The following KNTC1 variants were observed in gnomAD, a reference collection of about 807,000 sequenced individuals.
KNTC1 encodes the protein kinetochore-associated protein 1.
Under a neutral mutation model 314.4 loss-of-function variants are expected in KNTC1, and 253 were observed. The ratio of observed to expected loss-of-function variants is 0.80; its 90% CI spans 0.73 to 0.89. The LOEUF (loss-of-function observed/expected upper bound fraction) is 0.89, where lower values mean the gene tolerates loss of function less well. Ranked by LOEUF, KNTC1 falls within the 40% of genes least tolerant of loss-of-function variation. KNTC1 has a pLI of 0.00. For synonymous variants in KNTC1, 901 were observed against 901.4 expected (o/e 1.00, Z 0.01); for missense variants, 2,475 against 2,572.9 (o/e 0.96, Z 0.82).
intron 53 of KNTC1, 132 bp downstream of exon 53, chr12:122,611,032 T>G: frequency 1.5e-6 from 1 of 678,162 alleles, no homozygotes; most frequent in Non-Finnish European, 2.6e-6. Flanking sequence ...ATTCAAAGTC[T>G]GTCTCATCTC....
At chr12:122,622,831 C>T (rs1874585698) in intron 62 of KNTC1, among the ~76,000 whole-genome samples, 1 of 151,822 alleles carries the variant, frequency 6.6e-6, no homozygotes, top group African/African-American at 2.4e-5. Flanking sequence ...ACCTGTAATC[C>T]CAGCTACTAG....
intron 30 of KNTC1, 106 bp downstream of exon 30, chr12:122,577,135 T>C (rs1965085016): frequency 3.7e-6 from 3 of 803,798 alleles, no homozygotes; most frequent in Admixed American, 3.8e-5. Flanking sequence ...TGGAGTGCAG[T>C]GGCTGTGTTT....
chr12:122,559,901 G>C (rs1373784317), intron 18 of KNTC1, among the ~76,000 whole-genome samples: 1 of 152,054 alleles, frequency 6.6e-6, no homozygotes. Context: ...AAATTTAATG[G>C]TATTAAATAC....
chr12:122,613,394 T>G lies in KNTC1; in HGVS notation c.5741+164T>G, dbSNP rs557914972. On this transcript the variant is annotated intron_variant, in intron 54 of 63. Coordinates refer to ENST00000333479, the MANE Select transcript of KNTC1 (RefSeq NM_014708.6). ...CATTTTGGCAAAGGGAAAATAGGGC[T>G]TTGAGAACATCTTGTTTCCATCGTT... 4.6e-6 allele frequency: 3 copies of G among 656,798 alleles called. No individual in the cohort carries two copies. In the Admixed American group the frequency reaches 9.5e-5, roughly 21 times the overall value. 40.7% of individuals were successfully genotyped at this position (656,798 alleles called of 1,614,324 possible). A position where few individuals can be genotyped will look rare whatever the true frequency, so the allele number is the denominator to read the frequency against.
intron 40 of KNTC1, 70 bp from the exon 41 acceptor site, chr12:122,590,537 C>T: frequency 5.8e-6 from 8 of 1,381,264 alleles, no homozygotes; most frequent in East Asian, 2.5e-5. Flanking sequence ...GTATTTCTGC[C>T]CTTTGTGAAC....
chr12:122,531,013 G>T (rs1961267614), intron 2 of KNTC1, among the ~76,000 whole-genome samples: 1 of 151,336 alleles, frequency 6.6e-6, no homozygotes, highest in Non-Finnish European at 1.5e-5. Context: ...GCATGCACAT[G>T]TAGTCCCAGC....
At chr12:122,611,005 T>C in intron 53 of KNTC1, 105 bp downstream of exon 53, 1 of 791,066 alleles carries the variant, frequency 1.3e-6, no homozygotes, top group Non-Finnish European at 2.2e-6. Flanking sequence ...ATTCAGATAA[T>C]GCTCACGTAC....
At chr12:122,620,996 T>C (rs1434524246) in intron 60 of KNTC1, among the ~76,000 whole-genome samples, 1 of 152,230 alleles carries the variant, frequency 6.6e-6, no homozygotes, top group Non-Finnish European at 1.5e-5. Flanking sequence ...CCACTTGATC[T>C]CTTCATAGCA....
intron 13 of KNTC1, 43 bp from the exon 14 acceptor site, chr12:122,551,276 G>A (rs1353985540): frequency 8.0e-7 from 1 of 1,242,280 alleles, no homozygotes. Flanking sequence ...AAAATGCATT[G>A]CTCTTATATT....
chr12:122,585,094 G>A, intron 36 of KNTC1, 104 bp downstream of exon 36: 2 of 678,190 alleles, frequency 2.9e-6, no homozygotes, highest in Non-Finnish European at 5.2e-6. Flanking sequence ...CTGGAGTGCA[G>A]TGGCATGATC....
Position 122,605,028 on chromosome 12 carries a change from T to C in KNTC1, c.5327T>C (p.Leu1776Pro), listed in dbSNP as rs755470402. Residue 1776 changes from leucine (L) to proline (P), a missense_variant, in exon 50 of 64, where the codon CTC becomes CCC. Transcript: ENST00000333479. ...AAGCCAGCACATCTTATTGTCAGTC[T>C]CTACGAACATCCTAGCATCAATCAA... ...IGKPAHLIVSLYEHPSINQRI... is the reference protein window; with the variant it reads ...IGKPAHLIVSPYEHPSINQRI... The C allele has an allele frequency of 6.2e-7, 1 of 1,613,360 alleles. No individual in the cohort carries two copies. Among genetic ancestry groups the C allele is most frequent in the Admixed American group, 1.7e-5 (1 of 59,940 alleles).
intron 51 of KNTC1, 126 bp from the exon 52 acceptor site, chr12:122,609,258 T>G: frequency 2.9e-6 from 2 of 680,226 alleles, no homozygotes; most frequent in South Asian, 3.5e-5. Context: ...ATTTATGTTA[T>G]AATTTTTCAA....
intron 43 of KNTC1, among the ~76,000 whole-genome samples, chr12:122,595,355 T>C (rs1302405102): frequency 1.3e-5 from 2 of 152,256 alleles, no homozygotes; most frequent in East Asian, 1.9e-4. Flanking sequence ...ATAGTTCTTA[T>C]TGCATATGTT....
rs201517227 is a variant in KNTC1, at chr12:122,582,963, A to G, written c.3241A>G (p.Lys1081Glu). 2,501 of 1,608,666 alleles carry G rather than the reference A, an allele frequency of 1.6e-3. 4 individuals are homozygous for G. The highest frequency in any genetic ancestry group is 2.1e-3 in the Middle Eastern group (13 of 6,050). The change falls in exon 34 of 64, where the codon AAA (lysine) becomes GAA (glutamate). Residue 1081 changes from lysine (K) to glutamate (E), a missense_variant. Physicochemically the swap from Lys to Glu is moderately conservative, Grantham distance 56 (BLOSUM62 1). Transcript: ENST00000333479. ...GAGAGCCTTAAAAGATGGGAACATC[A>G]AAACAGCACTGAAAAAATGCAGGTG... is the stretch of plus-strand genomic sequence containing the variant. ...TLRALKDGNIKTALKKCSDLF... is the reference protein window; with the variant it reads ...TLRALKDGNIETALKKCSDLF...
At position 122,571,088 on chromosome 12, in the gene KNTC1, G is replaced by T; in HGVS notation, c.1981G>T (p.Glu661Ter). The T allele has an allele frequency of 6.2e-7, 1 of 1,613,660 alleles. No individual in the cohort carries two copies. Among genetic ancestry groups the T allele is most frequent in the Non-Finnish European group, 8.5e-7 (1 of 1,179,686 alleles). ...EIFFTAEKTDELGLASSWHWI... is the reference protein window; with the variant it reads ...EIFFTAEKTD ...ATTTTTTACAGCAGAAAAAACAGAC[G>T]AGTTGGGATTGGCATCTTCCTGGCA... Residue 661 changes from glutamate (E) to a stop codon, truncating the protein, a stop_gained, in exon 24 of 64, where the codon GAG becomes TAG. Coordinates refer to ENST00000333479, the MANE Select transcript of KNTC1 (RefSeq NM_014708.6). LOFTEE classifies it high-confidence loss of function.
At chr12:122,609,974 A>G (rs1872944958) in intron 52 of KNTC1, among the ~76,000 whole-genome samples, 1 of 152,244 alleles carries the variant, frequency 6.6e-6, no homozygotes, top group Non-Finnish European at 1.5e-5. Context: ...GGTGGTTCAC[A>G]TGCCAGCCAG....
intron 48 of KNTC1, 45 bp from the exon 49 acceptor site, chr12:122,604,519 A>G: frequency 9.0e-7 from 1 of 1,108,372 alleles, no homozygotes; most frequent in Non-Finnish European, 1.3e-6. Context: ...AAAGATTAAG[A>G]TTTGCCTGTA....
At chr12:122,568,209 A>G (rs1964467635) in intron 20 of KNTC1, 52 bp from the exon 21 acceptor site, 3 of 856,196 alleles carry the variant, frequency 3.5e-6, no homozygotes, top group Admixed American at 4.3e-5. Context: ...CTTAAAAGGT[A>G]TAACCTTAAT....
At chr12:122,542,913 A>G (rs1267477539) in intron 6 of KNTC1, among the ~76,000 whole-genome samples, 1 of 151,894 alleles carries the variant, frequency 6.6e-6, no homozygotes, top group Non-Finnish European at 1.5e-5. Flanking sequence ...TATTATTTTT[A>G]TTTATTTATT....
Sources: gnomAD v4.1 joint callset for allele counts (sites outside exome capture counted in the v4.1 genomes callset) on GRCh38, gnomAD v4.1.1 for gene constraint, MANE v1.5 for transcripts, NCBI Gene and HGNC (gene_info 2026-07-23, HGNC 2026-07-21) for gene names.